Variants in KEAP1 observed in about 807,000 individuals in gnomAD.
KEAP1 encodes the protein kelch-like ECH-associated protein 1.
A neutral mutation model predicts 59.7 loss-of-function variants in KEAP1; 26 were observed. The ratio of observed to expected loss-of-function variants is 0.44; its 90% CI spans 0.32 to 0.60. KEAP1 has a LOEUF of 0.60. Ranked by LOEUF, KEAP1 falls within the 20% of genes least tolerant of loss-of-function variation. The probability of loss-of-function intolerance (pLI) is 0.06; values close to 1 mark genes in which losing one functional copy is unlikely to be tolerated. For missense variants in KEAP1, 539 were observed against 871.4 expected, an observed-to-expected ratio of 0.62 and a Z score of 4.80; for synonymous variants, 350 against 358.3, an observed-to-expected ratio of 0.98 and a Z score of 0.26.
chr19:10,487,608 A>G (rs1489394011), intron 5 of KEAP1, among the ~76,000 whole-genome samples: 1 of 152,140 alleles, frequency 6.6e-6, no homozygotes, highest in Non-Finnish European at 1.5e-5. Context: ...GTGAGCTGAG[A>G]TTGTGCCACT....
At position 10,499,890 on chromosome 19, in the gene KEAP1, G is replaced by C. The variant is rs1202072527; in HGVS notation, c.144C>G (p.Gly48=). The C allele has an allele frequency of 6.2e-7, 1 of 1,613,410 alleles. No individual in the cohort carries two copies. Among genetic ancestry groups the C allele is most frequent in the Admixed American group, 1.7e-5 (1 of 60,008 alleles). The change falls in exon 2 of 6, where the codon GGC becomes GGG. Residue 48 remains glycine (G), a synonymous_variant. Transcript: ENST00000171111. The surrounding 1 kb of genome is among the most constrained non-coding windows in gnomAD (Gnocchi z 6.7). ...CKAEVTPSQH[G]NRTFSYTLED... ...CCAGGGTGTAGCTGAAGGTGCGGTT[G>C]CCATGCTGGGAGGGCGTCACCTCCG...
chr19:10,502,363 C>T lies in KEAP1; in HGVS notation c.-48+878G>A, dbSNP rs1477481501. Reference sequence around the variant, plus strand: ...GCCCCTCCTGAGCCTCCACCAGGCCCAGTGAGGCGAGGAAGTGACCCCACC... The same window carrying T: ...GCCCCTCCTGAGCCTCCACCAGGCCTAGTGAGGCGAGGAAGTGACCCCACC... On this transcript the variant is annotated intron_variant, in intron 1 of 5. Coordinates refer to ENST00000171111, the MANE Select transcript of KEAP1 (RefSeq NM_203500.2). This position sits in a 1 kb window ranked among gnomAD's most constrained non-coding sequence, Gnocchi z 4.0. The T allele has an allele frequency of 6.6e-6, 1 of 152,332 alleles. No individual in the cohort carries two copies. The highest frequency in any genetic ancestry group is 2.4e-5 in the African/African-American group (1 of 41,458). 9.4% of individuals were successfully genotyped at this position (152,332 alleles called of 1,614,324 possible).
chr19:10,494,326 G>A (rs1447280413), intron 2 of KEAP1, among the ~76,000 whole-genome samples: 1 of 133,616 alleles, frequency 7.5e-6, no homozygotes, highest in African/African-American at 2.8e-5. Flanking sequence ...ACCTGGCTTG[G>A]CTTTTTTTTT....
chr19:10,490,251 CAA>C (rs796097627), intron 3 of KEAP1: 30 of 97,186 alleles, frequency 3.1e-4, no homozygotes, highest in East Asian at 1.4e-3. Context: ...GACTCCATCT[CAA>C]AAAAAAAAAA....
chr19:10,489,157 C>T (rs2144585589), intron 5 of KEAP1, 35 bp downstream of exon 5: 2 of 1,422,208 alleles, frequency 1.4e-6, no homozygotes, highest in Non-Finnish European at 9.7e-7. Flanking sequence ...AAAAGATGGG[C>T]TAGTCAGGAC....
At chr19:10,494,449 G>T (rs1052539007) in intron 2 of KEAP1, among the ~76,000 whole-genome samples, 6 of 148,602 alleles carry the variant, frequency 4.0e-5, no homozygotes, top group Non-Finnish European at 7.4e-5. Context: ...TCCTGCCTCA[G>T]CCTCCCGAGT....
In KEAP1 at chr19:10,491,734, A is replaced by C. The variant is rs750603426; in HGVS notation, c.1168T>G (p.Ser390Ala). 6.4e-7 allele frequency: 1 copy of C among 1,568,978 alleles called. No homozygotes were observed. Among genetic ancestry groups the C allele is most frequent in the Non-Finnish European group, 8.6e-7 (1 of 1,156,952 alleles). ...GGGTTGTAACAGTCCAGGGCGCTGG[A>C]GTCGGTGTTGCCGTCGGGCGAGTTG... ...RNNSPDGNTD[S>A]SALDCYNPMT... is the part of the protein sequence containing the mutation. The change falls in exon 3 of 6, where the codon TCC (serine) becomes GCC (alanine). Residue 390 changes from serine (S) to alanine (A), a missense_variant. By Grantham distance (99) the Ser-to-Ala change is moderately conservative. Around this residue, in one of 4 missense-constraint regions of KEAP1, gnomAD observed 311 missense variants for 425.2 expected, o/e 0.73. Coordinates refer to ENST00000171111, the MANE Select transcript of KEAP1 (RefSeq NM_203500.2). The surrounding 1 kb of genome is among the most constrained non-coding windows in gnomAD (Gnocchi z 5.2).
intron 2 of KEAP1, among the ~76,000 whole-genome samples, chr19:10,498,063 G>C (rs2144620406): frequency 6.6e-6 from 1 of 151,880 alleles, no homozygotes; most frequent in South Asian, 2.1e-4. Flanking sequence ...ACCATGCCAG[G>C]CTAATTTTGC....
intron 1 of KEAP1, among the ~76,000 whole-genome samples, chr19:10,501,846 G>A (rs561288943): frequency 6.6e-6 from 1 of 152,028 alleles, no homozygotes; most frequent in African/African-American, 2.4e-5. Flanking sequence ...GTGCCCAGAC[G>A]TGAGTTACGT....
intron 5 of KEAP1, among the ~76,000 whole-genome samples, chr19:10,488,456 A>T (rs12985305): frequency 0.44 from 66,885 of 151,350 alleles, 17,233 homozygotes; most frequent in Admixed American, 0.58. Context: ...CTACTAAAAT[A>T]CAAAAATTAG....
Position 10,491,896 on chromosome 19 carries a change from G to C in KEAP1, c.1006C>G (p.Arg336Gly), listed in dbSNP as rs777195862. ...RLIYTAGGYFRQSLSYLEAYN... is the reference protein window; with the variant it reads ...RLIYTAGGYFGQSLSYLEAYN... The stretch of plus-strand genomic sequence containing the variant: ...GCCTCCAGGTAGCTGAGCGACTGTC[G>C]GAAGTAGCCGCCCGCGGTGTAGATC... Residue 336 changes from arginine (R) to glycine (G), a missense_variant, in exon 3 of 6, where the codon CGA (arginine) becomes GGA (glycine). Physicochemically the swap from Arg to Gly is moderately radical, Grantham distance 125 (BLOSUM62 -2). Around this residue, in one of 4 missense-constraint regions of KEAP1, gnomAD observed 311 missense variants for 425.2 expected, o/e 0.73. Coordinates refer to ENST00000171111, the MANE Select transcript of KEAP1 (RefSeq NM_203500.2). This position sits in a 1 kb window ranked among gnomAD's most constrained non-coding sequence, Gnocchi z 5.2. The C allele has an allele frequency of 6.2e-7, 1 of 1,613,476 alleles. No homozygotes were observed.
At chr19:10,487,308 C>T (rs949407066) in intron 5 of KEAP1, among the ~76,000 whole-genome samples, 2 of 152,030 alleles carry the variant, frequency 1.3e-5, no homozygotes, top group African/African-American at 2.4e-5. Flanking sequence ...GGCTGCACCA[C>T]TGTACTCTAG....
chr19:10,492,278 GT>G lies in KEAP1; in HGVS notation c.640-17del. On this transcript the variant is annotated splice_polypyrimidine_tract_variant and intron_variant, in intron 2 of 5. Transcript: ENST00000171111. ...GCTTGGCCACCTGCAGAGGGCGACA[GT>G]GGGACGGGCTGACTCTCCAGTCACC... 1 of 1,597,594 alleles carries G rather than the reference GT, an allele frequency of 6.3e-7. No homozygotes were observed. Among genetic ancestry groups the G allele is most frequent in the Non-Finnish European group, 8.6e-7 (1 of 1,168,102 alleles).
intron 2 of KEAP1, among the ~76,000 whole-genome samples, chr19:10,494,327 C>CTTTTT (rs1195911183): frequency 3.4e-4 from 37 of 110,396 alleles, no homozygotes; most frequent in Non-Finnish European, 4.5e-4. Flanking sequence ...CCTGGCTTGG[C>CTTTTT]TTTTTTTTTT....
In KEAP1 at chr19:10,486,258, C is replaced by T. The variant is rs925013931; in HGVS notation, c.*394G>A. On this transcript the variant is annotated 3_prime_UTR_variant, in exon 6 of 6. Transcript: ENST00000171111. The stretch of plus-strand genomic sequence containing the variant: ...TGTACAGGCCCATCCCTGGGAACCA[C>T]ATTTCCAGAGGGGGCCTCCCCCTGA... The T allele has an allele frequency of 8.0e-6, 2 of 251,070 alleles. No homozygotes were observed. Among genetic ancestry groups the T allele is most frequent in the Non-Finnish European group, 1.5e-5 (2 of 129,760 alleles). 15.6% of individuals were successfully genotyped at this position (251,070 alleles called of 1,614,324 possible). A position where few individuals can be genotyped will look rare whatever the true frequency, so the allele number is the denominator to read the frequency against.
intron 3 of KEAP1, among the ~76,000 whole-genome samples, 189 bp from the exon 4 acceptor site, chr19:10,490,042 A>G (rs1599482622): frequency 6.6e-6 from 1 of 151,832 alleles, no homozygotes; most frequent in South Asian, 2.1e-4. Flanking sequence ...ACCTGAGCTC[A>G]GGAGTTTGAG....
chr19:10,498,203 T>TTC (rs1356546168), intron 2 of KEAP1, among the ~76,000 whole-genome samples: 1 of 146,068 alleles, frequency 6.8e-6, no homozygotes, highest in Non-Finnish European at 1.5e-5. Flanking sequence ...CCCAGGCTTT[T>TTC]TTTTTTTTTT....
chr19:10,486,882 A>C (rs1914480332), intron 5 of KEAP1, 64 bp from the exon 6 acceptor site: 2 of 1,533,480 alleles, frequency 1.3e-6, no homozygotes, highest in Non-Finnish European at 1.8e-6. Flanking sequence ...AGGGGACAGA[A>C]AGAGAGAGAT....
At chr19:10,488,341 G>A (rs750467888) in intron 5 of KEAP1, among the ~76,000 whole-genome samples, 5 of 151,950 alleles carry the variant, frequency 3.3e-5, no homozygotes, top group Admixed American at 6.6e-5. Context: ...AGCTGGGCGC[G>A]GTGGCTCACA....
Sources: gnomAD v4.1 joint callset for allele counts (sites outside exome capture counted in the v4.1 genomes callset) on GRCh38, gnomAD v4.1.1 for gene constraint, gnomAD v4.1.1 regional missense constraint, Gnocchi (gnomAD v3.1) non-coding constraint, MANE v1.5 for transcripts, NCBI Gene and HGNC (gene_info 2026-07-23, HGNC 2026-07-21) for gene names.